The following EXOC4 variants were observed in gnomAD, a reference collection of about 807,000 sequenced individuals.
EXOC4 encodes the protein exocyst complex component 4.
A neutral mutation model predicts 107.2 loss-of-function variants in EXOC4; 71 were observed. The observed-to-expected ratio is 0.66, with a 90% CI of 0.55 to 0.81. EXOC4 has a LOEUF of 0.81. Ranked by LOEUF, EXOC4 falls within the 30% of genes least tolerant of loss-of-function variation. The probability of loss-of-function intolerance (pLI) is 0.00; values close to 1 mark genes in which losing one functional copy is unlikely to be tolerated. For synonymous variants in EXOC4, 456 were observed against 441.2 expected (o/e 1.03, Z -0.42); for missense variants, 1,108 against 1,189.6 (o/e 0.93, Z 1.01).
At chr7:133,884,738 C>G (rs1047155038) in intron 11 of EXOC4, among the ~76,000 whole-genome samples, 1 of 152,042 alleles carries the variant, frequency 6.6e-6, no homozygotes, top group African/African-American at 2.4e-5. Flanking sequence ...GGAGCTAAAA[C>G]AGTACAGATA....
chr7:133,364,504 ATTATT>A (rs1407615884), intron 6 of EXOC4, among the ~76,000 whole-genome samples: 1 of 152,024 alleles, frequency 6.6e-6, no homozygotes, highest in Non-Finnish European at 1.5e-5. Flanking sequence ...AGTTATTATT[ATTATT>A]TTCAGCACTA....
At chr7:134,018,812 C>T (rs1382494260) in intron 17 of EXOC4, among the ~76,000 whole-genome samples, 1 of 151,502 alleles carries the variant, frequency 6.6e-6, no homozygotes, top group Non-Finnish European at 1.5e-5. Flanking sequence ...GGTGGTTTTC[C>T]CCCTTTTACT....
chr7:133,589,362 C>T (rs1801485982), intron 9 of EXOC4, among the ~76,000 whole-genome samples: 1 of 152,170 alleles, frequency 6.6e-6, no homozygotes, highest in Non-Finnish European at 1.5e-5. Context: ...AAAACTGTTG[C>T]TATGACCTGT....
chr7:133,459,080 C>G (rs1156720247), intron 7 of EXOC4, among the ~76,000 whole-genome samples: 1 of 152,162 alleles, frequency 6.6e-6, no homozygotes, highest in Admixed American at 6.5e-5. Context: ...CTGTTGCTGT[C>G]TTCTCTGTAG....
intron 10 of EXOC4, among the ~76,000 whole-genome samples, chr7:133,659,000 CTTTTTTTTTTTT>C (rs397890140): frequency 5.5e-4 from 22 of 40,138 alleles, no homozygotes; most frequent in African/African-American, 1.5e-3. Flanking sequence ...TTCAGAGAAG[CTTTTTTTTTTTT>C]TTTTTTTTTT....
intron 10 of EXOC4, among the ~76,000 whole-genome samples, chr7:133,810,006 C>T (rs1283479616): frequency 6.6e-6 from 1 of 152,152 alleles, no homozygotes; most frequent in Non-Finnish European, 1.5e-5. Flanking sequence ...TAACAGAAAA[C>T]AATACTGTGT....
intron 10 of EXOC4, among the ~76,000 whole-genome samples, chr7:133,662,266 A>G (rs1360484338): frequency 6.6e-6 from 1 of 152,110 alleles, no homozygotes; most frequent in Non-Finnish European, 1.5e-5. Context: ...CTTAGAACAT[A>G]CCCGTATTAA....
At chr7:133,939,663 T>C (rs542551336) in intron 14 of EXOC4, among the ~76,000 whole-genome samples, 1 of 152,296 alleles carries the variant, frequency 6.6e-6, no homozygotes, top group African/African-American at 2.4e-5. Flanking sequence ...TGCCCAACTC[T>C]AAAAGACTGC....
intron 7 of EXOC4, among the ~76,000 whole-genome samples, chr7:133,427,792 CCA>C (rs1394896111): frequency 6.6e-6 from 1 of 152,110 alleles, no homozygotes; most frequent in African/African-American, 2.4e-5. Flanking sequence ...GGGGGTGGTA[CCA>C]CACACACTTT....
chr7:133,844,750 C>T (rs1798091105), intron 11 of EXOC4, among the ~76,000 whole-genome samples: 1 of 152,024 alleles, frequency 6.6e-6, no homozygotes, highest in Non-Finnish European at 1.5e-5. Flanking sequence ...CCCTACCATG[C>T]TTCTATAGGT....
chr7:134,040,519 C>T (rs1198559401), intron 17 of EXOC4, among the ~76,000 whole-genome samples: 3 of 152,078 alleles, frequency 2.0e-5, no homozygotes, highest in Non-Finnish European at 4.4e-5. Flanking sequence ...TTCAGTCTTC[C>T]GAAGTCATTG....
chr7:133,942,901 T>A (rs10243750), intron 14 of EXOC4, among the ~76,000 whole-genome samples: 33,876 of 152,102 alleles, frequency 0.22, 4,954 homozygotes, highest in East Asian at 0.44. Flanking sequence ...TTTCTGTAAT[T>A]TGCCACTCTC....
At chr7:133,897,783 T>G (rs1799353468) in intron 12 of EXOC4, among the ~76,000 whole-genome samples, 1 of 152,168 alleles carries the variant, frequency 6.6e-6, no homozygotes, top group Admixed American at 6.5e-5. Context: ...GAATACATTA[T>G]GAAATGATTA....
intron 7 of EXOC4, among the ~76,000 whole-genome samples, chr7:133,447,943 T>G (rs1330812389): frequency 2.0e-5 from 3 of 152,224 alleles, no homozygotes; most frequent in African/African-American, 7.2e-5. Context: ...TATGTAATTC[T>G]TCCCTTTAGA....
intron 3 of EXOC4, among the ~76,000 whole-genome samples, chr7:133,301,616 G>A (rs531811736): frequency 2.0e-5 from 3 of 152,154 alleles, no homozygotes; most frequent in Non-Finnish European, 4.4e-5. Flanking sequence ...GAACAGTGTT[G>A]CCAAAATAAG....
intron 14 of EXOC4, among the ~76,000 whole-genome samples, chr7:133,992,003 AT>A (rs1794272782): frequency 6.6e-6 from 1 of 152,086 alleles, no homozygotes; most frequent in African/African-American, 2.4e-5. Flanking sequence ...TGTCATTGGT[AT>A]TTTGATAGGG....
chr7:133,864,013 T>C (rs895750163), intron 11 of EXOC4, among the ~76,000 whole-genome samples: 2 of 152,186 alleles, frequency 1.3e-5, no homozygotes, highest in African/African-American at 4.8e-5. Flanking sequence ...TGTTGACTTA[T>C]TCTCATCATC....
Position 134,007,664 on chromosome 7 carries a change from C to G in EXOC4, c.2528-12C>G, listed in dbSNP as rs752836367. On this transcript the variant is annotated splice_polypyrimidine_tract_variant and intron_variant, in intron 16 of 17. Transcript: ENST00000253861. Reference sequence around the variant, plus strand: ...TCCGTTTTCTTTGCCCCGCACTGTGCTGACCCCTCAGGCCTGGGCCACCTG... The same window carrying G: ...TCCGTTTTCTTTGCCCCGCACTGTGGTGACCCCTCAGGCCTGGGCCACCTG... 1.2e-6 allele frequency: 2 copies of G among 1,609,698 alleles called. No individual in the cohort carries two copies. Among genetic ancestry groups the G allele is most frequent in the Admixed American group, 3.4e-5 (2 of 59,416 alleles).
intron 17 of EXOC4, among the ~76,000 whole-genome samples, chr7:134,011,364 C>T (rs1427406662): frequency 3.3e-5 from 5 of 152,160 alleles, no homozygotes; most frequent in African/African-American, 1.2e-4. Flanking sequence ...GTTTTCTTCC[C>T]AGTTCTCCCC....
Sources: gnomAD v4.1 joint callset for allele counts (sites outside exome capture counted in the v4.1 genomes callset) on GRCh38, gnomAD v4.1.1 for gene constraint, MANE v1.5 for transcripts, NCBI Gene and HGNC (gene_info 2026-07-23, HGNC 2026-07-21) for gene names.